The following SH3RF3 variants were observed in gnomAD, a reference collection of about 807,000 sequenced individuals.
SH3RF3 encodes the protein E3 ubiquitin-protein ligase SH3RF3.
Under a neutral mutation model 66.3 loss-of-function variants are expected in SH3RF3, and 29 were observed. The ratio of observed to expected loss-of-function variants is 0.44; its 90% CI spans 0.33 to 0.60. The LOEUF (loss-of-function observed/expected upper bound fraction) is 0.60, where lower values mean the gene tolerates loss of function less well. SH3RF3 is among the 20% of genes least tolerant of loss of function. The pLI, the probability that SH3RF3 is intolerant of heterozygous loss-of-function variation, is 0.04. For synonymous variants in SH3RF3, 583 were observed against 532.0 expected (o/e 1.10, Z -1.32); for missense variants, 1,194 against 1,190.9 (o/e 1.00, Z -0.04).
At chr2:109,189,993 T>C (rs1678305904) in intron 1 of SH3RF3, among the ~76,000 whole-genome samples, 1 of 152,222 alleles carries the variant, frequency 6.6e-6, no homozygotes. Flanking sequence ...GATCTGCTCG[T>C]GGTTTATCAT....
intron 7 of SH3RF3, among the ~76,000 whole-genome samples, chr2:109,447,420 G>A (rs1456578282): frequency 2.0e-5 from 3 of 152,148 alleles, no homozygotes; most frequent in South Asian, 2.1e-4. Flanking sequence ...CATAGTTGGG[G>A]GCTGAGAAGA....
intron 1 of SH3RF3, among the ~76,000 whole-genome samples, chr2:109,277,185 C>G (rs1574545691): frequency 6.6e-6 from 1 of 152,086 alleles, no homozygotes; most frequent in African/African-American, 2.4e-5. Context: ...AGAAACAGTT[C>G]CCAGAATTTC....
chr2:109,257,123 A>T (rs772607968), intron 1 of SH3RF3, among the ~76,000 whole-genome samples: 31 of 152,160 alleles, frequency 2.0e-4, no homozygotes, highest in Non-Finnish European at 3.7e-4. Flanking sequence ...TGAATCCCTC[A>T]TGTCCACTCT....
At chr2:109,241,741 C>G (rs1389077694) in intron 1 of SH3RF3, among the ~76,000 whole-genome samples, 2 of 151,938 alleles carry the variant, frequency 1.3e-5, no homozygotes, top group Non-Finnish European at 2.9e-5. Flanking sequence ...TGTTCCCACC[C>G]TGCGTGTTTC....
At chr2:109,347,294 ACTGCT>A (rs1288945709) in intron 1 of SH3RF3, among the ~76,000 whole-genome samples, 5 of 152,162 alleles carry the variant, frequency 3.3e-5, no homozygotes, top group African/African-American at 1.2e-4. Flanking sequence ...GATTCTACCT[ACTGCT>A]CCTAGGTGTG....
At chr2:109,297,939 C>A (rs147629763) in intron 1 of SH3RF3, among the ~76,000 whole-genome samples, 1 of 152,104 alleles carries the variant, frequency 6.6e-6, no homozygotes, top group African/African-American at 2.4e-5. Context: ...GTTCCCCCCC[C>A]ACCACCAGAC....
At chr2:109,262,450 A>G (rs945737910) in intron 1 of SH3RF3, among the ~76,000 whole-genome samples, 4 of 152,150 alleles carry the variant, frequency 2.6e-5, no homozygotes, top group African/African-American at 9.7e-5. Context: ...CCTGTGGGGT[A>G]CCCAAGAGCC....
chr2:109,200,492 G>C (rs929841037), intron 1 of SH3RF3, among the ~76,000 whole-genome samples: 2 of 152,094 alleles, frequency 1.3e-5, no homozygotes, highest in Admixed American at 1.3e-4. Context: ...CCTGTGTCCT[G>C]CTCAGTCGGC....
At chr2:109,493,038 A>G (rs1007199158) in intron 9 of SH3RF3, among the ~76,000 whole-genome samples, 1 of 151,828 alleles carries the variant, frequency 6.6e-6, no homozygotes, top group Non-Finnish European at 1.5e-5. Flanking sequence ...ATACAAACAC[A>G]TACCCCACAT....
At chr2:109,387,814 GCCCAATTCCACCTT>G (rs1675864932) in intron 3 of SH3RF3, among the ~76,000 whole-genome samples, 1 of 152,072 alleles carries the variant, frequency 6.6e-6, no homozygotes, top group African/African-American at 2.4e-5. Flanking sequence ...TGCAGTAGGT[GCCCAATTCCACCTT>G]CTTCTTCCAA....
chr2:109,375,522 A>G (rs906892903), intron 3 of SH3RF3, among the ~76,000 whole-genome samples: 2 of 152,004 alleles, frequency 1.3e-5, no homozygotes, highest in Non-Finnish European at 2.9e-5. Context: ...CAAACACTCC[A>G]CCGGGCCTTC....
At chr2:109,364,723 T>C (rs1683123575) in intron 2 of SH3RF3, among the ~76,000 whole-genome samples, 1 of 152,170 alleles carries the variant, frequency 6.6e-6, no homozygotes, top group Non-Finnish European at 1.5e-5. Context: ...CACTCCTCTG[T>C]AGGTGAAACA....
At chr2:109,283,709 A>G (rs1410269179) in intron 1 of SH3RF3, among the ~76,000 whole-genome samples, 1 of 152,004 alleles carries the variant, frequency 6.6e-6, no homozygotes, top group Non-Finnish European at 1.5e-5. Context: ...AAAATTTGAG[A>G]ATTGGGGATG....
At chr2:109,171,446 A>G (rs1007394363) in intron 1 of SH3RF3, among the ~76,000 whole-genome samples, 8 of 152,254 alleles carry the variant, frequency 5.3e-5, no homozygotes, top group East Asian at 1.9e-4. Flanking sequence ...CCTAACAAAA[A>G]TGCTTCCCCT....
intron 1 of SH3RF3, among the ~76,000 whole-genome samples, chr2:109,219,732 C>CCTCT (rs1258851978): frequency 6.6e-6 from 1 of 152,094 alleles, no homozygotes; most frequent in Non-Finnish European, 1.5e-5. Context: ...TAAACTTGAC[C>CCTCT]AAAGAGGTGA....
At chr2:109,314,747 T>G (rs1681831566) in intron 1 of SH3RF3, among the ~76,000 whole-genome samples, 1 of 152,240 alleles carries the variant, frequency 6.6e-6, no homozygotes, top group Admixed American at 6.5e-5. Context: ...AGCCAATTTC[T>G]TATTCTGTAA....
At chr2:109,190,893 A>C in intron 1 of SH3RF3, among the ~76,000 whole-genome samples, 1 of 151,792 alleles carries the variant, frequency 6.6e-6, no homozygotes, top group Non-Finnish European at 1.5e-5. Context: ...CCTAATCAGA[A>C]AATATGAAGA....
chr2:109,298,680 G>A (rs1442396869), intron 1 of SH3RF3, among the ~76,000 whole-genome samples: 8 of 151,990 alleles, frequency 5.3e-5, no homozygotes, highest in Non-Finnish European at 1.2e-4. Context: ...GCCTTCCCTG[G>A]CTCCTGTGGG....
chr2:109,277,432 AATTTC>A (rs1247543007), intron 1 of SH3RF3, among the ~76,000 whole-genome samples: 1 of 152,200 alleles, frequency 6.6e-6, no homozygotes, highest in Non-Finnish European at 1.5e-5. Context: ...ACGACTGTAT[AATTTC>A]ATAAGATTTA....
Sources: allele counts gnomAD v4.1 joint callset (sites outside exome capture counted in the v4.1 genomes callset), GRCh38; gene constraint gnomAD v4.1.1; transcripts MANE v1.5; gene names NCBI Gene and HGNC (gene_info 2026-07-23, HGNC 2026-07-21).